The following RORA variants were observed in gnomAD, a reference collection of about 807,000 sequenced individuals.
RORA encodes the protein nuclear receptor ROR-alpha.
RORA carries 7 observed loss-of-function variants against 69.5 expected under a neutral mutation model. That is an observed-to-expected ratio of 0.10 (90% CI 0.06 to 0.19). RORA has a LOEUF of 0.19. Among genes scored for constraint, RORA ranks in the 10% least tolerant of loss-of-function variants. RORA has a pLI of 1.00. For synonymous variants in RORA, 261 were observed against 240.8 expected, an observed-to-expected ratio of 1.08 and a Z score of -0.78; for missense variants, 457 against 663.0, an observed-to-expected ratio of 0.69 and a Z score of 3.41.
chr15:61,041,520 G>T (rs1896769346), intron 1 of RORA, among the ~76,000 whole-genome samples: 1 of 152,074 alleles, frequency 6.6e-6, no homozygotes, highest in South Asian at 2.1e-4. Context: ...ATATTTCCAG[G>T]GGGTGGAAAT....
At chr15:61,065,919 C>G (rs1212694708) in intron 1 of RORA, among the ~76,000 whole-genome samples, 1 of 152,196 alleles carries the variant, frequency 6.6e-6, no homozygotes, top group Non-Finnish European at 1.5e-5. Context: ...ATTTATCTTT[C>G]TACCATGGTC....
At chr15:60,863,378 T>C (rs914777534) in intron 1 of RORA, among the ~76,000 whole-genome samples, 4 of 152,228 alleles carry the variant, frequency 2.6e-5, no homozygotes, top group Non-Finnish European at 4.4e-5. Context: ...ATAGTTTTTG[T>C]GGTCTTAATA....
intron 1 of RORA, among the ~76,000 whole-genome samples, chr15:61,219,831 C>T (rs761423256): frequency 6.6e-6 from 1 of 152,192 alleles, no homozygotes; most frequent in Non-Finnish European, 1.5e-5. Context: ...CAAGTGGTAG[C>T]ATCATGAGTG....
chr15:60,704,990 T>C (rs2071039760), intron 1 of RORA, among the ~76,000 whole-genome samples: 1 of 152,214 alleles, frequency 6.6e-6, no homozygotes, highest in African/African-American at 2.4e-5. Flanking sequence ...CTGCCGAGGG[T>C]TGGCAATGCT....
chr15:61,229,197 G>T lies in RORA; in HGVS notation c.22C>A (p.Pro8Thr), dbSNP rs1393332476. MESAPAA[P>T]DPAASEPGSS... ...CCTGGCTCGCTGGCGGCGGGGTCGG[G>T]GGCTGCCGGAGCTGACTCCATGTTT... is the stretch of plus-strand genomic sequence containing the variant. Residue 8 changes from proline (P) to threonine (T), a missense_variant, in exon 1 of 11, where the codon CCC becomes ACC. By Grantham distance (38) the Pro-to-Thr change is conservative. This residue lies in a region of RORA where 119 missense variants were observed against 92.4 expected (regional missense o/e 1.29). Coordinates refer to ENST00000335670, the MANE Select transcript of RORA (RefSeq NM_134261.3). 1.9e-6 allele frequency: 3 copies of T among 1,547,810 alleles called. No individual in the cohort carries two copies. Among genetic ancestry groups the T allele is most frequent in the Non-Finnish European group, 2.6e-6 (3 of 1,149,932 alleles).
intron 1 of RORA, among the ~76,000 whole-genome samples, chr15:61,021,605 C>T (rs977729099): frequency 6.6e-6 from 1 of 152,234 alleles, no homozygotes; most frequent in African/African-American, 2.4e-5. Flanking sequence ...AACAACACTG[C>T]CTCTCAAGGA....
intron 2 of RORA, among the ~76,000 whole-genome samples, chr15:60,570,709 C>A (rs532200123): frequency 6.6e-6 from 1 of 152,126 alleles, no homozygotes; most frequent in Admixed American, 6.5e-5. Context: ...TTTCCATGAG[C>A]CTCATCTTGT....
At chr15:60,790,442 T>G (rs2072399109) in intron 1 of RORA, among the ~76,000 whole-genome samples, 1 of 152,184 alleles carries the variant, frequency 6.6e-6, no homozygotes, top group Non-Finnish European at 1.5e-5. Flanking sequence ...AAAGCTGTAT[T>G]TCCTTCAAGA....
chr15:61,059,995 GAA>G (rs1566968776), intron 1 of RORA, among the ~76,000 whole-genome samples: 2,351 of 107,310 alleles, frequency 0.022, 17 homozygotes, highest in Middle Eastern at 0.032. Flanking sequence ...AGAGGAAGAA[GAA>G]GAAGAAGAAG....
At chr15:60,834,979 T>C (rs1329096567) in intron 1 of RORA, among the ~76,000 whole-genome samples, 1 of 152,136 alleles carries the variant, frequency 6.6e-6, no homozygotes, top group African/African-American at 2.4e-5. Flanking sequence ...GAATTATAAA[T>C]GATTAGTAGT....
intron 1 of RORA, among the ~76,000 whole-genome samples, chr15:60,997,190 G>A (rs1028817005): frequency 6.6e-6 from 1 of 152,110 alleles, no homozygotes; most frequent in African/African-American, 2.4e-5. Context: ...AACATAATTG[G>A]TTTGTTTGAA....
At chr15:61,169,980 A>G (rs1403305658) in intron 1 of RORA, among the ~76,000 whole-genome samples, 1 of 152,172 alleles carries the variant, frequency 6.6e-6, no homozygotes, top group African/African-American at 2.4e-5. Flanking sequence ...CACCGTGTCC[A>G]TCATAATAGT....
intron 1 of RORA, among the ~76,000 whole-genome samples, chr15:60,883,246 G>C (rs559210244): frequency 7.0e-4 from 106 of 151,858 alleles, no homozygotes; most frequent in Non-Finnish European, 1.2e-3. Context: ...TTGCCGGTGT[G>C]AGCACAGCAA....
At chr15:61,026,089 T>C (rs754934304) in intron 1 of RORA, among the ~76,000 whole-genome samples, 1 of 152,218 alleles carries the variant, frequency 6.6e-6, no homozygotes, top group Non-Finnish European at 1.5e-5. Context: ...AATAGACATC[T>C]GATTACATGC....
At chr15:60,823,089 T>C (rs2072913734) in intron 1 of RORA, among the ~76,000 whole-genome samples, 1 of 111,468 alleles carries the variant, frequency 9.0e-6, no homozygotes, top group African/African-American at 3.4e-5. Flanking sequence ...CCTTCCTTCT[T>C]TCCTTCCTTC....
rs988140084 is a variant in RORA at position 60,495,410 on chromosome 15, T to G, written c.*2045A>C. The stretch of plus-strand genomic sequence containing the variant: ...CTTCTATTTATGGTTAAACTCTTAC[T>G]ATGTTTTTGGAAAAAAAGTTGGATG... On this transcript the variant is annotated 3_prime_UTR_variant, in exon 11 of 11. Coordinates refer to ENST00000335670, the MANE Select transcript of RORA (RefSeq NM_134261.3). The G allele has an allele frequency of 7.9e-5, 12 of 152,250 alleles. No individual in the cohort carries two copies. Among genetic ancestry groups the G allele is most frequent in the African/African-American group, 1.9e-4 (8 of 41,462 alleles). The allele number at this position is 152,250 out of a possible 1,614,324, so 9.4% of individuals were successfully genotyped here.
At chr15:60,747,677 G>A (rs1211357159) in intron 1 of RORA, among the ~76,000 whole-genome samples, 1 of 152,148 alleles carries the variant, frequency 6.6e-6, no homozygotes, top group East Asian at 1.9e-4. Context: ...GCGGTTTTGA[G>A]ATGCACAGTA....
rs569160141 is a variant in RORA, at chr15:61,036,336, T to C, written c.166+192717A>G. On this transcript the variant is annotated intron_variant, in intron 1 of 10. Coordinates refer to ENST00000335670, the MANE Select transcript of RORA (RefSeq NM_134261.3). ...AGGAAGTAGAGGTTTGCCTTGTTGC[T>C]ATTAGATTGCTTCACATCTCCATTG... is the stretch of plus-strand genomic sequence containing the variant. Among the ~76,000 whole-genome samples, 10 of 152,310 alleles carry C rather than the reference T, an allele frequency of 6.6e-5. No individual in the cohort carries two copies. In the South Asian group the frequency reaches 2.1e-3, roughly 32 times the overall value.
intron 1 of RORA, among the ~76,000 whole-genome samples, chr15:61,209,791 C>T (rs1170179205): frequency 6.6e-6 from 1 of 152,212 alleles, no homozygotes; most frequent in African/African-American, 2.4e-5. Flanking sequence ...GGAACTCGAT[C>T]AGGGGTTATT....
Sources: allele counts gnomAD v4.1 joint callset (sites outside exome capture counted in the v4.1 genomes callset), GRCh38; gene constraint gnomAD v4.1.1; regional missense constraint gnomAD v4.1.1; transcripts MANE v1.5; gene names NCBI Gene and HGNC (gene_info 2026-07-23, HGNC 2026-07-21).